The following NRG1 variants were observed in gnomAD, a reference collection of about 807,000 sequenced individuals.
The protein encoded by NRG1 is pro-neuregulin-1, membrane-bound isoform.
A neutral mutation model predicts 63.8 loss-of-function variants in NRG1; 18 were observed. That is an observed-to-expected ratio of 0.28 (90% CI 0.19 to 0.42). The LOEUF (loss-of-function observed/expected upper bound fraction) is 0.42. Among genes scored for constraint, NRG1 ranks in the 10% least tolerant of loss-of-function variants. NRG1 has a pLI of 1.00. For synonymous variants in NRG1, 302 were observed against 301.3 expected, an observed-to-expected ratio of 1.00 and a Z score of -0.02; for missense variants, 762 against 814.7, an observed-to-expected ratio of 0.94 and a Z score of 0.79.
At chr8:32,317,242 G>A (rs187472827) in intron 1 of NRG1, among the ~76,000 whole-genome samples, 106 of 152,278 alleles carry the variant, frequency 7.0e-4, no homozygotes, top group African/African-American at 2.5e-3. Flanking sequence ...TGCTTTTGAA[G>A]CATCTCTGCT....
intron 1 of NRG1, among the ~76,000 whole-genome samples, chr8:32,331,458 G>A (rs1802644956): frequency 2.0e-5 from 3 of 152,038 alleles, no homozygotes; most frequent in Admixed American, 2.0e-4. Flanking sequence ...TAGAGGCTGG[G>A]ATGTTGAGGC....
At chr8:32,554,372 C>T (rs1206241961) in intron 1 of NRG1, among the ~76,000 whole-genome samples, 4 of 151,520 alleles carry the variant, frequency 2.6e-5, no homozygotes, top group Non-Finnish European at 5.9e-5. Context: ...CAGTGTTTGT[C>T]GCTTTAGAAA....
chr8:32,215,716 TTAAA>T (rs950823611), intron 1 of NRG1, among the ~76,000 whole-genome samples: 2 of 152,174 alleles, frequency 1.3e-5, no homozygotes, highest in Non-Finnish European at 2.9e-5. Context: ...TTGACTTTGT[TTAAA>T]TAACCATTTC....
intron 1 of NRG1, among the ~76,000 whole-genome samples, chr8:31,995,984 G>T (rs2129633313): frequency 6.6e-6 from 1 of 151,500 alleles, no homozygotes; most frequent in Non-Finnish European, 1.5e-5. Flanking sequence ...ATGAAAGACG[G>T]ATTTCTTTTC....
chr8:32,137,712 T>C (rs1431336062), intron 1 of NRG1, among the ~76,000 whole-genome samples: 2 of 152,148 alleles, frequency 1.3e-5, no homozygotes, highest in Non-Finnish European at 2.9e-5. Flanking sequence ...TAACCCCTGA[T>C]GCACACAGCC....
At chr8:32,313,705 T>C (rs750559345) in intron 1 of NRG1, among the ~76,000 whole-genome samples, 4 of 152,174 alleles carry the variant, frequency 2.6e-5, no homozygotes, top group Admixed American at 6.6e-5. Context: ...CACACATATA[T>C]ATTTCTGATT....
intron 1 of NRG1, among the ~76,000 whole-genome samples, chr8:32,211,593 C>A (rs955865695): frequency 2.6e-5 from 4 of 152,184 alleles, no homozygotes; most frequent in Non-Finnish European, 5.9e-5. Flanking sequence ...ATTGTCCAGT[C>A]TAATGGGTGA....
At chr8:31,970,464 A>G (rs180824324) in intron 1 of NRG1, among the ~76,000 whole-genome samples, 81 of 152,316 alleles carry the variant, frequency 5.3e-4, no homozygotes, top group African/African-American at 1.8e-3. Context: ...TGGGAGAAGC[A>G]GTTTGGGAAG....
At chr8:31,783,032 AT>A (rs1235656408) in intron 1 of NRG1, among the ~76,000 whole-genome samples, 2 of 152,180 alleles carry the variant, frequency 1.3e-5, no homozygotes. Flanking sequence ...TTTATTGGAC[AT>A]TCATTGCAGA....
intron 1 of NRG1, among the ~76,000 whole-genome samples, chr8:31,734,921 A>G (rs1814502091): frequency 6.6e-6 from 1 of 152,046 alleles, no homozygotes; most frequent in African/African-American, 2.4e-5. Context: ...TTATGACTCT[A>G]AGGGTCCCAT....
intron 1 of NRG1, among the ~76,000 whole-genome samples, chr8:31,901,021 A>T (rs970733887): frequency 1.3e-5 from 2 of 152,172 alleles, no homozygotes; most frequent in Admixed American, 6.5e-5. Flanking sequence ...GAAATTTCAA[A>T]GGTTTTAGAA....
chr8:32,684,848 A>G (rs979363036), intron 5 of NRG1, among the ~76,000 whole-genome samples: 10 of 81,856 alleles, frequency 1.2e-4, no homozygotes, highest in African/African-American at 1.0e-3. Flanking sequence ...CACTACTGAT[A>G]TTTTCAGGAA....
At chr8:32,247,331 A>T (rs1017777175) in intron 1 of NRG1, among the ~76,000 whole-genome samples, 7 of 152,134 alleles carry the variant, frequency 4.6e-5, no homozygotes, top group African/African-American at 1.7e-4. Flanking sequence ...ACAATTTCTG[A>T]AATATTTATA....
intron 1 of NRG1, among the ~76,000 whole-genome samples, chr8:32,486,848 T>G (rs1200854161): frequency 6.6e-6 from 1 of 151,804 alleles, no homozygotes; most frequent in Admixed American, 6.6e-5. Flanking sequence ...TGGTCTCAAA[T>G]TCCTGACCTC....
At chr8:31,987,320 A>ATGTGTGTGTGTGTGTGTG (rs545275263) in intron 1 of NRG1, among the ~76,000 whole-genome samples, 17 of 125,800 alleles carry the variant, frequency 1.4e-4, no homozygotes, top group African/African-American at 4.8e-4. Context: ...AAACATATAT[A>ATGTGTGTGTGTGTGTGTG]TGTGTGTGTG....
chr8:31,916,932 G>T (rs922946459), intron 1 of NRG1, among the ~76,000 whole-genome samples: 3 of 151,932 alleles, frequency 2.0e-5, no homozygotes, highest in Admixed American at 2.0e-4. Context: ...TTGTGGTTTT[G>T]ATTTGCATTT....
intron 1 of NRG1, among the ~76,000 whole-genome samples, chr8:31,795,966 G>T (rs1821164926): frequency 6.6e-6 from 1 of 152,192 alleles, no homozygotes; most frequent in Admixed American, 6.5e-5. Flanking sequence ...AGACACTCAA[G>T]AAATTGTATT....
intron 1 of NRG1, among the ~76,000 whole-genome samples, chr8:32,080,116 T>TATCA (rs1419445655): frequency 6.6e-6 from 1 of 152,214 alleles, no homozygotes; most frequent in Non-Finnish European, 1.5e-5. Context: ...TTTTTAACAC[T>TATCA]ATCAGAATAT....
At chr8:31,683,466 G>A (rs4379407) in intron 1 of NRG1, among the ~76,000 whole-genome samples, 144,020 of 152,228 alleles carry the variant, frequency 0.95, 68,601 homozygotes, top group East Asian at 1. Flanking sequence ...GTTACCTACC[G>A]TATGATTGCG....
Sources: allele counts gnomAD v4.1 joint callset (sites outside exome capture counted in the v4.1 genomes callset), GRCh38; gene constraint gnomAD v4.1.1; transcripts MANE v1.5; gene names NCBI Gene and HGNC (gene_info 2026-07-23, HGNC 2026-07-21).